EYS: variants seen among roughly 807,000 people sequenced by gnomAD.
EYS encodes EGF-like photoreceptor maintenance factor.
A neutral mutation model predicts 282.1 loss-of-function variants in EYS; 250 were observed. That is an observed-to-expected ratio of 0.89 (90% CI 0.80 to 0.98). The LOEUF (loss-of-function observed/expected upper bound fraction) is 0.98. EYS is among the 50% of genes least tolerant of loss of function. The pLI, the probability that EYS is intolerant of heterozygous loss-of-function variation, is 0.00. For synonymous variants in EYS, 1,355 were observed against 1,282.9 expected (o/e 1.06, Z -1.20); for missense variants, 4,016 against 3,709.0 (o/e 1.08, Z -2.15).
Position 64,945,797 on chromosome 6 carries a change from A to G in EYS, c.2377T>C (p.Tyr793His). 1 of 1,549,346 alleles carries G rather than the reference A, an allele frequency of 6.5e-7. No individual in the cohort carries two copies. Among genetic ancestry groups the G allele is most frequent in the Non-Finnish European group, 8.7e-7 (1 of 1,145,512 alleles). ...AGCTAAAAATATGTTACTCACCGAT[A>G]GCTTTTGTAAAGGTCAGTACAGGTG... ...NSTCTDLYKSYRCECTSGWTG... is the reference protein window; with the variant it reads ...NSTCTDLYKSHRCECTSGWTG... Residue 793 changes from tyrosine (Y) to histidine (H), a missense_variant, in exon 15 of 43, where the codon TAT becomes CAT. Transcript: ENST00000503581.
chr6:63,890,591 A>G (rs1773382203), intron 35 of EYS, among the ~76,000 whole-genome samples: 1 of 152,206 alleles, frequency 6.6e-6, no homozygotes, highest in South Asian at 2.1e-4. Flanking sequence ...GACACAGCTA[A>G]AGAAGTGTTT....
chr6:64,610,839 T>A (rs1767091928), intron 24 of EYS, among the ~76,000 whole-genome samples: 1 of 152,110 alleles, frequency 6.6e-6, no homozygotes, highest in South Asian at 2.1e-4. Flanking sequence ...TACAGAAAAC[T>A]TCCTCTTTTC....
intron 32 of EYS, among the ~76,000 whole-genome samples, chr6:64,072,218 T>G (rs1440234838): frequency 6.6e-6 from 1 of 151,950 alleles, no homozygotes; most frequent in African/African-American, 2.4e-5. Flanking sequence ...AATCACTCAT[T>G]TGAGATCCTT....
chr6:64,707,816 C>G (rs1490651124), intron 22 of EYS, among the ~76,000 whole-genome samples: 1 of 151,932 alleles, frequency 6.6e-6, no homozygotes, highest in African/African-American at 2.4e-5. Flanking sequence ...AAAACTAACT[C>G]TACATTATGT....
chr6:65,213,019 C>T (rs1283187893), intron 12 of EYS, among the ~76,000 whole-genome samples: 23 of 151,924 alleles, frequency 1.5e-4, no homozygotes, highest in Non-Finnish European at 2.9e-5. Flanking sequence ...GATTATTCAA[C>T]TGTTTTTCTT....
At chr6:64,461,843 GT>G (rs1042564194) in intron 26 of EYS, among the ~76,000 whole-genome samples, 1 of 152,080 alleles carries the variant, frequency 6.6e-6, no homozygotes, top group African/African-American at 2.4e-5. Flanking sequence ...ATTTTGGCAA[GT>G]TTGTTTTCAG....
At chr6:64,367,223 T>C (rs554333616) in intron 29 of EYS, among the ~76,000 whole-genome samples, 1 of 152,126 alleles carries the variant, frequency 6.6e-6, no homozygotes, top group East Asian at 1.9e-4. Flanking sequence ...TTATAGATCC[T>C]CTCTTCCTAG....
chr6:65,698,233 C>T (rs1769529361), intron 1 of EYS, among the ~76,000 whole-genome samples: 1 of 152,082 alleles, frequency 6.6e-6, no homozygotes, highest in Admixed American at 6.5e-5. Flanking sequence ...AGATGACTTG[C>T]ATTAAAATTT....
At chr6:64,310,766 T>TG (rs1769661705) in intron 29 of EYS, among the ~76,000 whole-genome samples, 1 of 96,398 alleles carries the variant, frequency 1.0e-5, no homozygotes, top group African/African-American at 3.0e-5. Context: ...TTTTAAAAGG[T>TG]GAAAAAAAAG....
intron 2 of EYS, among the ~76,000 whole-genome samples, chr6:65,625,275 T>A (rs568259798): frequency 6.6e-6 from 1 of 152,316 alleles, no homozygotes; most frequent in East Asian, 1.9e-4. Context: ...ACATTTCGAC[T>A]TCTTCCTGGG....
chr6:64,651,048 G>A (rs1294307802), intron 22 of EYS, among the ~76,000 whole-genome samples: 1 of 151,894 alleles, frequency 6.6e-6, no homozygotes, highest in East Asian at 1.9e-4. Context: ...TATCATGAAG[G>A]AGCCAATTTA....
At chr6:64,394,848 G>T (rs148895669) in intron 28 of EYS, among the ~76,000 whole-genome samples, 2 of 152,192 alleles carry the variant, frequency 1.3e-5, no homozygotes, top group African/African-American at 2.4e-5. Context: ...ACAGGCAACT[G>T]ACAAAATGGG....
At chr6:64,697,834 C>A (rs1323099660) in intron 22 of EYS, among the ~76,000 whole-genome samples, 1 of 152,000 alleles carries the variant, frequency 6.6e-6, no homozygotes. Context: ...CCCAGCTACT[C>A]AGGCGGCTGA....
chr6:64,049,797 C>G (rs558989746), intron 33 of EYS, among the ~76,000 whole-genome samples: 1 of 152,248 alleles, frequency 6.6e-6, no homozygotes, highest in South Asian at 2.1e-4. Flanking sequence ...GCAGAAACAA[C>G]AGATGGATAT....
At chr6:63,810,178 T>C (rs1382825564) in intron 36 of EYS, among the ~76,000 whole-genome samples, 1 of 151,282 alleles carries the variant, frequency 6.6e-6, no homozygotes, top group East Asian at 2.0e-4. Flanking sequence ...GGAAAATCAC[T>C]TGAATCCGCG....
chr6:63,790,784 T>C (rs1770490526), intron 37 of EYS, among the ~76,000 whole-genome samples: 2 of 151,988 alleles, frequency 1.3e-5, no homozygotes, highest in Non-Finnish European at 1.5e-5. Flanking sequence ...TTTCTGTGGG[T>C]TGTGAATGGG....
chr6:65,559,155 A>C (rs1224938225), intron 2 of EYS, among the ~76,000 whole-genome samples: 1 of 152,188 alleles, frequency 6.6e-6, no homozygotes, highest in Non-Finnish European at 1.5e-5. Flanking sequence ...AGATCACTTG[A>C]GGCCAGGAAT....
At chr6:63,764,645 A>ATT (rs1180854523) in intron 40 of EYS, among the ~76,000 whole-genome samples, 1 of 151,960 alleles carries the variant, frequency 6.6e-6, no homozygotes, top group Non-Finnish European at 1.5e-5. Context: ...TTTATTGTAT[A>ATT]TATTTAAGGT....
intron 1 of EYS, among the ~76,000 whole-genome samples, chr6:65,664,012 C>G (rs1358480468): frequency 1.3e-5 from 2 of 151,712 alleles, no homozygotes; most frequent in African/African-American, 2.4e-5. Flanking sequence ...GCTGGGACTA[C>G]AGGTGCGGCC....
Sources: allele counts gnomAD v4.1 joint callset (sites outside exome capture counted in the v4.1 genomes callset), GRCh38; gene constraint gnomAD v4.1.1; transcripts MANE v1.5; gene names NCBI Gene and HGNC (gene_info 2026-07-23, HGNC 2026-07-21).